CERKL: variants seen among roughly 807,000 people sequenced by gnomAD.
The protein encoded by CERKL is ceramide kinase-like protein.
In CERKL, 61 loss-of-function variants were observed where a neutral mutation model predicts 63.4. The observed-to-expected ratio is 0.96, with a 90% CI of 0.78 to 1.19. CERKL has a LOEUF of 1.19. CERKL is among the 50% of genes most tolerant of loss of function. The pLI, the probability that CERKL is intolerant of heterozygous loss-of-function variation, is 0.00. For missense variants in CERKL, 675 were observed against 655.5 expected (o/e 1.03, Z -0.33); for synonymous variants, 250 against 230.5 (o/e 1.08, Z -0.77).
At chr2:181,618,534 C>A (rs969304429) in intron 1 of CERKL, among the ~76,000 whole-genome samples, 16 of 152,050 alleles carry the variant, frequency 1.1e-4, no homozygotes, top group Admixed American at 9.2e-4. Context: ...TCTCGTGCCT[C>A]AGCCTCCTGA....
intron 2 of CERKL, among the ~76,000 whole-genome samples, chr2:181,599,789 A>G (rs1453411548): frequency 1.3e-5 from 2 of 152,182 alleles, no homozygotes; most frequent in Admixed American, 1.3e-4. Context: ...ATTTGAGGCA[A>G]TAATTCAGGA....
At chr2:181,611,819 T>A (rs1685980914) in intron 1 of CERKL, among the ~76,000 whole-genome samples, 2 of 152,244 alleles carry the variant, frequency 1.3e-5, no homozygotes, top group Admixed American at 6.5e-5. Context: ...AATATGCATA[T>A]GAAAATTTGA....
intron 2 of CERKL, among the ~76,000 whole-genome samples, chr2:181,603,335 TTAAG>T (rs1559099711): frequency 6.6e-6 from 1 of 152,202 alleles, no homozygotes; most frequent in Non-Finnish European, 1.5e-5. Flanking sequence ...ACTAAATTAT[TTAAG>T]TATTTTATTT....
chr2:181,542,247 G>A (rs1193853865), intron 11 of CERKL, among the ~76,000 whole-genome samples: 1 of 152,142 alleles, frequency 6.6e-6, no homozygotes, highest in Non-Finnish European at 1.5e-5. Flanking sequence ...CAGAGATGGG[G>A]AAGGAACAGG....
chr2:181,626,298 C>A, intron 1 of CERKL, among the ~76,000 whole-genome samples: 1 of 151,494 alleles, frequency 6.6e-6, no homozygotes, highest in Non-Finnish European at 1.5e-5. Context: ...AGAGGAACTG[C>A]AGTAGAAGTG....
chr2:181,605,575 G>T (rs948436388), intron 1 of CERKL, among the ~76,000 whole-genome samples: 4 of 152,080 alleles, frequency 2.6e-5, no homozygotes, highest in Non-Finnish European at 5.9e-5. Context: ...AAACTTAAAA[G>T]CAAGCCTCTC....
At chr2:181,654,273 T>C (rs1688063175) in intron 1 of CERKL, among the ~76,000 whole-genome samples, 1 of 152,148 alleles carries the variant, frequency 6.6e-6, no homozygotes, top group Admixed American at 6.5e-5. Flanking sequence ...ACATCCATTA[T>C]TCCAGGTCAT....
intron 1 of CERKL, among the ~76,000 whole-genome samples, chr2:181,618,395 AACTT>A (rs1037143881): frequency 4.0e-5 from 6 of 151,786 alleles, no homozygotes; most frequent in African/African-American, 9.7e-5. Flanking sequence ...ATATGCAATG[AACTT>A]ACTGTTATTT....
At chr2:181,552,128 T>C (rs559251334) in intron 5 of CERKL, among the ~76,000 whole-genome samples, 2 of 152,144 alleles carry the variant, frequency 1.3e-5, no homozygotes, top group South Asian at 4.2e-4. Flanking sequence ...AAGAGTAAAA[T>C]AGTGGTTACT....
chr2:181,590,910 C>T (rs1274208510), intron 2 of CERKL, among the ~76,000 whole-genome samples: 1 of 152,072 alleles, frequency 6.6e-6, no homozygotes, highest in Non-Finnish European at 1.5e-5. Context: ...ACCTTTAACC[C>T]AGAAATCTAT....
intron 2 of CERKL, among the ~76,000 whole-genome samples, chr2:181,599,398 G>T (rs1027853322): frequency 6.6e-6 from 1 of 151,714 alleles, no homozygotes; most frequent in Non-Finnish European, 1.5e-5. Context: ...TTAGTCGGGG[G>T]TGGTGGCACT....
intron 2 of CERKL, among the ~76,000 whole-genome samples, chr2:181,595,997 GTTAAC>G (rs1458078635): frequency 1.3e-5 from 2 of 152,138 alleles, no homozygotes; most frequent in African/African-American, 4.8e-5. Context: ...AGGAAGACAT[GTTAAC>G]TTATTTAACA....
At chr2:181,607,222 A>T (rs1685756435) in intron 1 of CERKL, among the ~76,000 whole-genome samples, 1 of 152,250 alleles carries the variant, frequency 6.6e-6, no homozygotes, top group Non-Finnish European at 1.5e-5. Context: ...TTATAAAAAC[A>T]GTTGTGACCT....
chr2:181,567,345 C>T (rs6743543), intron 3 of CERKL, among the ~76,000 whole-genome samples: 61,512 of 151,880 alleles, frequency 0.41, 13,547 homozygotes, highest in African/African-American at 0.58. Context: ...ATAAGAATAT[C>T]ATGAAAAAAT....
At chr2:181,573,037 C>A (rs145031931) in intron 3 of CERKL, among the ~76,000 whole-genome samples, 1 of 151,926 alleles carries the variant, frequency 6.6e-6, no homozygotes, top group Non-Finnish European at 1.5e-5. Flanking sequence ...CCACTGTTAG[C>A]GAAGCCACAT....
chr2:181,652,059 GT>G (rs1226396319), intron 1 of CERKL, among the ~76,000 whole-genome samples: 2 of 152,018 alleles, frequency 1.3e-5, no homozygotes, highest in Non-Finnish European at 2.9e-5. Flanking sequence ...TAATTATATT[GT>G]TAAAATGGCC....
At chr2:181,559,203 A>G (rs1688332293) in intron 4 of CERKL, among the ~76,000 whole-genome samples, 1 of 152,192 alleles carries the variant, frequency 6.6e-6, no homozygotes, top group African/African-American at 2.4e-5. Context: ...TGAATGTAGT[A>G]ATTACAAACC....
At chr2:181,638,561 A>C (rs1304121844) in intron 1 of CERKL, among the ~76,000 whole-genome samples, 4 of 152,236 alleles carry the variant, frequency 2.6e-5, no homozygotes, top group African/African-American at 9.6e-5. Flanking sequence ...TGATCATAAC[A>C]ATAAAAAAAC....
intron 1 of CERKL, among the ~76,000 whole-genome samples, chr2:181,637,873 A>G (rs1687248625): frequency 6.6e-6 from 1 of 152,126 alleles, no homozygotes; most frequent in African/African-American, 2.4e-5. Flanking sequence ...AAAACATAGT[A>G]ATTTGACTAC....
Sources: gnomAD v4.1 joint callset for allele counts (sites outside exome capture counted in the v4.1 genomes callset) on GRCh38, gnomAD v4.1.1 for gene constraint, MANE v1.5 for transcripts, NCBI Gene and HGNC (gene_info 2026-07-23, HGNC 2026-07-21) for gene names.